Variants in ZFP64 observed in about 807,000 individuals in gnomAD.
The protein encoded by ZFP64 is ZFP64 zinc finger protein.
Under a neutral mutation model 51.6 loss-of-function variants are expected in ZFP64, and 14 were observed. The observed-to-expected ratio is 0.27, with a 90% confidence interval of 0.18 to 0.42. The LOEUF is 0.42. Among genes scored for constraint, ZFP64 ranks in the 10% least tolerant of loss-of-function variants. The pLI, the probability that ZFP64 is intolerant of heterozygous loss-of-function variation, is 1.00. For missense variants in ZFP64, 754 were observed against 906.8 expected (o/e 0.83, Z 2.16); for synonymous variants, 375 against 361.4 (o/e 1.04, Z -0.43).
chr20:52,178,183 A>G (rs560398388), intron 2 of ZFP64, among the ~76,000 whole-genome samples: 2 of 152,240 alleles, frequency 1.3e-5, no homozygotes, highest in African/African-American at 4.8e-5. Context: ...GGATATCTGC[A>G]TTTTTCACGG....
chr20:52,101,618 T>C (rs1209725127), intron 5 of ZFP64, among the ~76,000 whole-genome samples: 3 of 152,076 alleles, frequency 2.0e-5, no homozygotes, highest in African/African-American at 4.8e-5. Context: ...ATGTTGCCCA[T>C]GCTGGTCTCA....
At chr20:52,159,571 C>T (rs1981601844) in intron 5 of ZFP64, among the ~76,000 whole-genome samples, 1 of 152,224 alleles carries the variant, frequency 6.6e-6, no homozygotes, top group Admixed American at 6.5e-5. Context: ...TGCAAATGGG[C>T]CAGGCACGGT....
At chr20:52,125,437 T>C (rs1979402891) in intron 5 of ZFP64, among the ~76,000 whole-genome samples, 1 of 152,230 alleles carries the variant, frequency 6.6e-6, no homozygotes, top group Non-Finnish European at 1.5e-5. Flanking sequence ...ACTGATGCAC[T>C]GGGAAACCCT....
chr20:52,162,177 A>G (rs1313190273), intron 4 of ZFP64, among the ~76,000 whole-genome samples: 3 of 152,122 alleles, frequency 2.0e-5, no homozygotes, highest in Non-Finnish European at 4.4e-5. Context: ...GGGCACCTGT[A>G]ATCCCTGCTA....
Position 52,153,155 on chromosome 20 carries a change from G to A in ZFP64, c.1037C>T (p.Ser346Leu). Residue 346 changes from serine (S) to leucine (L), a missense_variant, in exon 6 of 6, where the codon TCG (serine) becomes TTG (leucine). Transcript: ENST00000216923. The surrounding 1 kb of genome is among the most constrained non-coding windows in gnomAD (Gnocchi z 5.1). Reference protein sequence around the residue: ...VHQSEHPEKCSECSYSCSSKA... With the variant: ...VHQSEHPEKCLECSYSCSSKA... The stretch of plus-strand genomic sequence containing the variant: ...GCTGGAGCAGGAGTAGCTGCATTCC[G>A]AGCACTTCTCAGGATGCTCCGACTG... 1 of 1,614,176 alleles carries A rather than the reference G, an allele frequency of 6.2e-7. No homozygotes were observed. Among genetic ancestry groups the A allele is most frequent in the Non-Finnish European group, 8.5e-7 (1 of 1,180,040 alleles).
At chr20:52,119,905 A>G (rs1223718860) in intron 5 of ZFP64, among the ~76,000 whole-genome samples, 1 of 152,052 alleles carries the variant, frequency 6.6e-6, no homozygotes, top group Non-Finnish European at 1.5e-5. Context: ...TCATATGGCA[A>G]AAAGAATATG....
intron 5 of ZFP64, among the ~76,000 whole-genome samples, chr20:52,100,015 ACG>A (rs2079033854): frequency 6.6e-6 from 1 of 152,226 alleles, no homozygotes; most frequent in Admixed American, 6.5e-5. Context: ...TTTTTTTGAG[ACG>A]GAGTCTCGCT....
At chr20:52,163,959 A>T (rs934483620) in intron 4 of ZFP64, among the ~76,000 whole-genome samples, 3 of 152,348 alleles carry the variant, frequency 2.0e-5, no homozygotes, top group African/African-American at 7.2e-5. Context: ...TCTCCTTTCT[A>T]AATTACAAAA....
At position 52,165,920 on chromosome 20, in the gene ZFP64, C is replaced by A. The variant is rs757850701; in HGVS notation, c.392G>T (p.Arg131Leu). 6 of 1,614,062 alleles carry A rather than the reference C, an allele frequency of 3.7e-6. No individual in the cohort carries two copies. Among genetic ancestry groups the A allele is most frequent in the South Asian group, 1.1e-5 (1 of 91,072 alleles). Reference sequence around the variant, plus strand: ...AGGTGGTGTTGTGGGCTTTTTGGTGCGTGACTTGGCAGGGAGAGAGATGAC... The same window carrying A: ...AGGTGGTGTTGTGGGCTTTTTGGTGAGTGACTTGGCAGGGAGAGAGATGAC... ...ATVISLPAKSRTKKPTTPPAQ... is the reference protein window; with the variant it reads ...ATVISLPAKSLTKKPTTPPAQ... The change falls in exon 3 of 6, where the codon CGC (arginine) becomes CTC (leucine). Residue 131 changes from arginine to leucine, a missense_variant. This residue lies in a region of ZFP64 where 231 missense variants were observed against 336.7 expected (regional missense o/e 0.69). Coordinates refer to ENST00000216923, the MANE Select transcript of ZFP64 (RefSeq NM_018197.3).
rs3035409 is a variant in ZFP64, at chr20:52,099,319, CTTT to C, written c.764-735_764-733del. Among the ~76,000 whole-genome samples the C allele has an allele frequency of 4.0e-5, 6 of 150,032 alleles. No individual in the cohort carries two copies. In the East Asian group the frequency reaches 9.9e-4, roughly 25 times the overall value. On this transcript the variant is annotated intron_variant, in intron 5 of 8. Transcript: ENST00000361387. ...AGCTGGATGCCATGGCAATGTCAAA[CTTT>C]TTTTTTTTTTTTTAAGATGCTTACT...
At chr20:52,163,908 T>C (rs964465183) in intron 4 of ZFP64, among the ~76,000 whole-genome samples, 2 of 152,218 alleles carry the variant, frequency 1.3e-5, no homozygotes, top group Non-Finnish European at 2.9e-5. Context: ...TTCCCATGCA[T>C]TGATCTTTCT....
intron 5 of ZFP64, among the ~76,000 whole-genome samples, chr20:52,146,002 A>G (rs1159967728): frequency 6.6e-6 from 1 of 152,228 alleles, no homozygotes; most frequent in Admixed American, 6.5e-5. Flanking sequence ...GTACAACTGT[A>G]CAAAAATATT....
intron 1 of ZFP64, among the ~76,000 whole-genome samples, chr20:52,187,409 G>GA (rs1389341952): frequency 6.6e-6 from 1 of 152,004 alleles, no homozygotes; most frequent in East Asian, 1.9e-4. Context: ...ATCACCTGAG[G>GA]TCAGGAGTTC....
Position 52,151,525 on chromosome 20 carries a change from A to G in ZFP64, c.*621T>C, listed in dbSNP as rs890345457. On this transcript the variant is annotated 3_prime_UTR_variant, in exon 6 of 6. Coordinates refer to ENST00000216923, the MANE Select transcript of ZFP64 (RefSeq NM_018197.3). ...AATAAGATGGACAGAAACCTTTATT[A>G]GAGTTGGAAAATCAAGTTGGAAACA... The G allele has an allele frequency of 5.1e-6, 5 of 985,568 alleles. No individual in the cohort carries two copies. In the African/African-American group the frequency reaches 7.0e-5, roughly 14 times the overall value. 61.1% of individuals were successfully genotyped at this position (985,568 alleles called of 1,614,324 possible).
chr20:52,139,880 G>A (rs1308893211), intron 5 of ZFP64, among the ~76,000 whole-genome samples: 1 of 129,212 alleles, frequency 7.7e-6, no homozygotes, highest in Admixed American at 8.1e-5. Flanking sequence ...ATTGAAGTTT[G>A]TGGCAACCCC....
At chr20:52,101,539 T>C (rs1416006820) in intron 5 of ZFP64, among the ~76,000 whole-genome samples, 1 of 152,154 alleles carries the variant, frequency 6.6e-6, no homozygotes, top group African/African-American at 2.4e-5. Flanking sequence ...GCCTAGTTTT[T>C]GTATTTTTGT....
At chr20:52,087,089 C>T (rs1231791850) in intron 8 of ZFP64, among the ~76,000 whole-genome samples, 2 of 152,146 alleles carry the variant, frequency 1.3e-5, no homozygotes, top group African/African-American at 4.8e-5. Context: ...TTTCCCAACT[C>T]TTGAGGGCAC....
At chr20:52,144,250 A>C (rs1207727090) in intron 5 of ZFP64, among the ~76,000 whole-genome samples, 3 of 142,894 alleles carry the variant, frequency 2.1e-5, no homozygotes, top group Non-Finnish European at 4.7e-5. Context: ...GAATAACAAA[A>C]TAAAATGAAA....
chr20:52,102,468 C>A (rs1314300139), intron 5 of ZFP64, among the ~76,000 whole-genome samples: 2 of 152,132 alleles, frequency 1.3e-5, no homozygotes. Flanking sequence ...GGTTGCAGGA[C>A]TGGAAGTTTT....
Sources: allele counts gnomAD v4.1 joint callset (sites outside exome capture counted in the v4.1 genomes callset), GRCh38; gene constraint gnomAD v4.1.1; regional missense constraint gnomAD v4.1.1; non-coding constraint Gnocchi (gnomAD v3.1); transcripts MANE v1.5; gene names NCBI Gene and HGNC (gene_info 2026-07-23, HGNC 2026-07-21).